The following RASSF3 variants were observed in gnomAD, a reference collection of about 807,000 sequenced individuals.
RASSF3 encodes the protein Ras association domain family member 3.
Under a neutral mutation model 19.9 loss-of-function variants are expected in RASSF3, and 19 were observed. The observed-to-expected ratio is 0.96, with a 90% CI of 0.67 to 1.40. The LOEUF (loss-of-function observed/expected upper bound fraction) is 1.40. Ranked by LOEUF, RASSF3 falls within the 40% of genes most tolerant of loss-of-function variation. The probability of loss-of-function intolerance (pLI) is 0.00; values close to 1 mark genes in which losing one functional copy is unlikely to be tolerated. For synonymous variants in RASSF3, 110 were observed against 104.2 expected (o/e 1.06, Z -0.34); for missense variants, 306 against 289.8 (o/e 1.06, Z -0.41).
At chr12:64,647,402 A>ATT (rs994160058) in intron 1 of RASSF3, among the ~76,000 whole-genome samples, 1 of 139,966 alleles carries the variant, frequency 7.1e-6, no homozygotes, top group East Asian at 2.0e-4. Flanking sequence ...TGCTCGGCTA[A>ATT]TTTTTTTTTC....
intron 1 of RASSF3, 134 bp downstream of exon 1, chr12:64,610,877 AAGTG>A: frequency 1.9e-6 from 1 of 517,656 alleles, no homozygotes; most frequent in African/African-American, 2.0e-5. Context: ...GCGGGCCGAG[AAGTG>A]GCTTCTGCCT....
rs78653766 is a variant in RASSF3, at chr12:64,602,666, C to T, written c.294+60961C>T. ...AATCTGTAGTCCCAGCTATACACCA[C>T]GCTGAGCCCAGGAGTTCGAGGCCAG... On this transcript the variant is annotated intron_variant, in intron 2 of 5. Transcript: ENST00000637125. Among the ~76,000 whole-genome samples, 388 of 151,932 alleles carry T rather than the reference C, an allele frequency of 2.6e-3. 1 individual carries two copies. The highest frequency in any genetic ancestry group is 0.01 in the Middle Eastern group (3 of 292).
chr12:64,528,115 T>C (rs548100815), intron 1 of RASSF3, among the ~76,000 whole-genome samples: 3 of 151,242 alleles, frequency 2.0e-5, no homozygotes, highest in Non-Finnish European at 4.4e-5. Flanking sequence ...CACAAAATGT[T>C]AAAAAAAATT....
rs545756958 is a variant in RASSF3 at position 64,582,270 on chromosome 12, C to T, written c.294+40565C>T. On this transcript the variant is annotated intron_variant, in intron 2 of 5. Transcript: ENST00000637125. ...GCTTTCCCTTGTAGATCTTTCAGCC[C>T]GTTGCCACCACCCTGCCCAGCTCTC... Among the ~76,000 whole-genome samples the T allele has an allele frequency of 1.1e-4, 17 of 152,232 alleles. No homozygotes were observed. The East Asian group carries it at 1.3e-3, about 12-fold the overall frequency.
At chr12:64,661,677 CTTTTT>C (rs71092993) in intron 1 of RASSF3, among the ~76,000 whole-genome samples, 1 of 79,002 alleles carries the variant, frequency 1.3e-5, no homozygotes, top group Non-Finnish European at 2.4e-5. Flanking sequence ...TTTTCTTTTT[CTTTTT>C]TTTTTTTTTT....
At chr12:64,693,429 TTTTTAAAGAGACTAGG>T (rs1868313513) in intron 4 of RASSF3, among the ~76,000 whole-genome samples, 1 of 150,082 alleles carries the variant, frequency 6.7e-6, no homozygotes, top group African/African-American at 2.5e-5. Flanking sequence ...TTTTTTTTTC[TTTTTAAAGAGACTAGG>T]TCTTGCACTG....
At chr12:64,648,645 G>C (rs988887498) in intron 1 of RASSF3, among the ~76,000 whole-genome samples, 4 of 151,824 alleles carry the variant, frequency 2.6e-5, no homozygotes, top group Non-Finnish European at 5.9e-5. Context: ...ACAACACCCA[G>C]CTAATTTTTG....
intron 1 of RASSF3, among the ~76,000 whole-genome samples, chr12:64,516,895 A>G (rs1445121625): frequency 6.7e-6 from 1 of 149,550 alleles, no homozygotes; most frequent in Non-Finnish European, 1.5e-5. Flanking sequence ...GCTACTCCGC[A>G]GGCGGAGGCA....
intron 2 of RASSF3, among the ~76,000 whole-genome samples, chr12:64,581,635 C>T (rs1458280588): frequency 2.0e-5 from 3 of 151,946 alleles, no homozygotes; most frequent in African/African-American, 4.8e-5. Context: ...GGGAGGATTG[C>T]TTGAGCCTGG....
chr12:64,633,171 A>G (rs1252578532), intron 1 of RASSF3, among the ~76,000 whole-genome samples: 3 of 152,192 alleles, frequency 2.0e-5, no homozygotes, highest in Non-Finnish European at 4.4e-5. Context: ...TATGTTTTTG[A>G]AAAGTCTTTG....
intron 1 of RASSF3, among the ~76,000 whole-genome samples, chr12:64,526,757 G>A (rs1416690812): frequency 6.6e-6 from 1 of 152,094 alleles, no homozygotes; most frequent in Non-Finnish European, 1.5e-5. Flanking sequence ...TGTTGCACAG[G>A]CTGGTCTTGA....
chr12:64,634,709 C>T (rs954972734), intron 1 of RASSF3, among the ~76,000 whole-genome samples: 3 of 144,746 alleles, frequency 2.1e-5, no homozygotes, highest in Admixed American at 7.2e-5. Flanking sequence ...TACAGTGAGC[C>T]GAGATGGCAC....
chr12:64,661,663 CTCTTTT>C (rs1447574717), intron 1 of RASSF3, among the ~76,000 whole-genome samples: 2 of 144,542 alleles, frequency 1.4e-5, no homozygotes, highest in Non-Finnish European at 3.0e-5. Context: ...GACCCCATCT[CTCTTTT>C]TCTTTTTCTT....
chr12:64,664,179 T>C (rs1388322201), intron 1 of RASSF3, among the ~76,000 whole-genome samples: 4 of 152,166 alleles, frequency 2.6e-5, no homozygotes, highest in Non-Finnish European at 5.9e-5. Context: ...ACAACTTGAC[T>C]GTTGTCAATC....
intron 2 of RASSF3, among the ~76,000 whole-genome samples, chr12:64,584,579 C>G (rs557729748): frequency 6.6e-6 from 1 of 150,786 alleles, no homozygotes; most frequent in South Asian, 2.1e-4. Context: ...TCTCCTTTCT[C>G]TCCCTTCAGA....
At position 64,660,054 on chromosome 12, in the gene RASSF3, A is replaced by G. The variant is rs1201842542; in HGVS notation, c.112-24733A>G. 4.8e-3 allele frequency among the ~76,000 whole-genome samples: 712 copies of G among 148,650 alleles called. 10 individuals are homozygous for G. Among genetic ancestry groups the G allele is most frequent in the African/African-American group, 0.016 (662 of 40,402 alleles). On this transcript the variant is annotated intron_variant, in intron 1 of 4. Coordinates refer to ENST00000542104, the MANE Select transcript of RASSF3 (RefSeq NM_178169.4). ...TGTGTATATATATGTGTGTGTATGT[A>G]TATATATATGTGTGTGTGTATGTAT... is the stretch of plus-strand genomic sequence containing the variant.
chr12:64,541,409 G>C (rs1868931872), intron 1 of RASSF3, among the ~76,000 whole-genome samples: 2 of 152,182 alleles, frequency 1.3e-5, no homozygotes, highest in South Asian at 4.1e-4. Flanking sequence ...GATAGTCTAG[G>C]TTAAATGGCT....
At chr12:64,576,050 C>T (rs577758821) in intron 2 of RASSF3, among the ~76,000 whole-genome samples, 38 of 152,078 alleles carry the variant, frequency 2.5e-4, no homozygotes, top group Middle Eastern at 3.4e-3. Context: ...CCACCATGCC[C>T]GGCTAATTTT....
chr12:64,508,904 A>T (rs1311846835), intron 1 of RASSF3, among the ~76,000 whole-genome samples: 1 of 151,556 alleles, frequency 6.6e-6, no homozygotes, highest in Non-Finnish European at 1.5e-5. Flanking sequence ...AAAAACAAAA[A>T]CAAAAACAAA....
Sources: gnomAD v4.1 joint callset for allele counts (sites outside exome capture counted in the v4.1 genomes callset) on GRCh38, gnomAD v4.1.1 for gene constraint, MANE v1.5 for transcripts, NCBI Gene and HGNC (gene_info 2026-07-23, HGNC 2026-07-21) for gene names.